Variants in ZNF704 observed in about 807,000 individuals in gnomAD.
ZNF704 encodes glucocorticoid induced gene 1.
A neutral mutation model predicts 44.7 loss-of-function variants in ZNF704; 10 were observed. The ratio of observed to expected loss-of-function variants is 0.22; its 90% CI spans 0.14 to 0.38. The LOEUF is 0.38. Among genes scored for constraint, ZNF704 ranks in the 10% least tolerant of loss-of-function variants. ZNF704 has a pLI of 1.00. For synonymous variants in ZNF704, 211 were observed against 207.6 expected (o/e 1.02, Z -0.14); for missense variants, 390 against 545.5 (o/e 0.71, Z 2.84).
intron 2 of ZNF704, among the ~76,000 whole-genome samples, chr8:80,800,521 GA>G (rs1364321916): frequency 1.3e-5 from 2 of 152,112 alleles, no homozygotes; most frequent in Admixed American, 6.5e-5. Context: ...AATTCTTAAA[GA>G]AAAAATTTTC....
At chr8:80,791,654 G>C (rs1461683303) in intron 2 of ZNF704, among the ~76,000 whole-genome samples, 1 of 152,130 alleles carries the variant, frequency 6.6e-6, no homozygotes, top group Non-Finnish European at 1.5e-5. Flanking sequence ...TCTGTGCAGG[G>C]AGAAGCAGCC....
At chr8:80,707,894 C>T (rs1343585241) in intron 2 of ZNF704, among the ~76,000 whole-genome samples, 1 of 152,218 alleles carries the variant, frequency 6.6e-6, no homozygotes, top group Non-Finnish European at 1.5e-5. Flanking sequence ...GAATTCCTTG[C>T]TCCAAAGCTT....
At chr8:80,864,652 T>C (rs978491632) in intron 1 of ZNF704, among the ~76,000 whole-genome samples, 2 of 152,124 alleles carry the variant, frequency 1.3e-5, no homozygotes, top group African/African-American at 4.8e-5. Context: ...GAGGTACACT[T>C]TGGGCCACCC....
intron 2 of ZNF704, among the ~76,000 whole-genome samples, chr8:80,798,564 A>G (rs1284550584): frequency 1.3e-5 from 2 of 152,162 alleles, no homozygotes; most frequent in East Asian, 1.9e-4. Context: ...CCTGGTGTCC[A>G]TATTTCTATC....
chr8:80,838,334 T>C (rs1424619323), intron 1 of ZNF704, among the ~76,000 whole-genome samples: 1 of 152,154 alleles, frequency 6.6e-6, no homozygotes, highest in Non-Finnish European at 1.5e-5. Context: ...TATGTATAAA[T>C]AAAAGGCCAA....
intron 2 of ZNF704, among the ~76,000 whole-genome samples, chr8:80,783,645 A>G (rs148904727): frequency 2.6e-4 from 39 of 152,260 alleles, no homozygotes; most frequent in Non-Finnish European, 5.1e-4. Flanking sequence ...GAAAGTACAG[A>G]AAGTTCCCAT....
At chr8:80,696,607 G>A (rs553083145) in intron 2 of ZNF704, among the ~76,000 whole-genome samples, 106 of 152,182 alleles carry the variant, frequency 7.0e-4, no homozygotes, top group African/African-American at 2.5e-3. Context: ...CAGTAGAGAC[G>A]GGGTTTCACC....
At chr8:80,772,702 C>T (rs900635718) in intron 2 of ZNF704, among the ~76,000 whole-genome samples, 2 of 152,128 alleles carry the variant, frequency 1.3e-5, no homozygotes, top group Non-Finnish European at 2.9e-5. Flanking sequence ...AGAGCCAAAT[C>T]CTCTCAGGGA....
chr8:80,843,931 ATATATATATGTGTATG>A (rs1164904060), intron 1 of ZNF704, among the ~76,000 whole-genome samples: 1 of 142,106 alleles, frequency 7.0e-6, no homozygotes, highest in Non-Finnish European at 1.5e-5. Context: ...ACAGTGAAAT[ATATATATATGTGTATG>A]TATATATATG....
chr8:80,675,589 C>A (rs948255261), intron 4 of ZNF704, among the ~76,000 whole-genome samples: 1 of 151,562 alleles, frequency 6.6e-6, no homozygotes, highest in Non-Finnish European at 1.5e-5. Flanking sequence ...AGGCTTTGGG[C>A]AGAGAGGATG....
chr8:80,778,232 T>C (rs188693701), intron 2 of ZNF704, among the ~76,000 whole-genome samples: 1 of 152,130 alleles, frequency 6.6e-6, no homozygotes, highest in African/African-American at 2.4e-5. Context: ...GACATACATA[T>C]GGCCAATAAG....
At chr8:80,715,376 C>CA (rs777132212) in intron 2 of ZNF704, among the ~76,000 whole-genome samples, 5 of 152,230 alleles carry the variant, frequency 3.3e-5, no homozygotes, top group Non-Finnish European at 5.9e-5. Context: ...CCACAAGCCT[C>CA]AGAGCAGGTT....
At position 80,708,963 on chromosome 8, in the gene ZNF704, T is replaced by C. The variant is rs995803025; in HGVS notation, c.222-15856A>G. Among the ~76,000 whole-genome samples, 3 of 152,326 alleles carry C rather than the reference T, an allele frequency of 2.0e-5. No homozygotes were observed. In the East Asian group the frequency reaches 5.8e-4, roughly 29 times the overall value. On this transcript the variant is annotated intron_variant, in intron 2 of 8. Transcript: ENST00000327835. ...GCACATAGACCACAGAACTGGGATT[T>C]ACTTGGAATTTGATGGGAAAGTAAG...
chr8:80,744,046 G>A (rs1179582428), intron 2 of ZNF704, among the ~76,000 whole-genome samples: 1 of 152,120 alleles, frequency 6.6e-6, no homozygotes, highest in Non-Finnish European at 1.5e-5. Context: ...TTGAAACGTG[G>A]CTAGTCTGAA....
intron 1 of ZNF704, among the ~76,000 whole-genome samples, chr8:80,838,583 G>A (rs1269029629): frequency 6.6e-6 from 1 of 151,464 alleles, no homozygotes; most frequent in African/African-American, 2.4e-5. Context: ...GAGGAAAAGG[G>A]GGGAGGAGGG....
chr8:80,874,396 G>C lies in ZNF704; in HGVS notation c.-22+175C>G, dbSNP rs1809326503. ...GCGGCCGGCGGCCGAGCCCGCGCGC[G>C]CCTCTCCCGGCCGGCTGCGCCCGCG... is the stretch of plus-strand genomic sequence containing the variant. On this transcript the variant is annotated intron_variant, in intron 1 of 8. Coordinates refer to ENST00000327835, the MANE Select transcript of ZNF704 (RefSeq NM_001033723.3). The surrounding 1 kb of genome is among the most constrained non-coding windows in gnomAD (Gnocchi z 4.4). Among the ~76,000 whole-genome samples, 1 of 147,550 alleles carries C rather than the reference G, an allele frequency of 6.8e-6. No homozygotes were observed. Among genetic ancestry groups the C allele is most frequent in the Non-Finnish European group, 1.5e-5 (1 of 66,464 alleles).
At chr8:80,658,909 T>TA (rs1406892667) in intron 7 of ZNF704, 1 of 152,230 alleles carries the variant, frequency 6.6e-6, no homozygotes, top group African/African-American at 2.4e-5. Context: ...TATCAGGAGT[T>TA]ATACACCACT....
chr8:80,662,656 T>C (rs941325009), intron 6 of ZNF704, among the ~76,000 whole-genome samples: 2 of 152,232 alleles, frequency 1.3e-5, no homozygotes, highest in African/African-American at 4.8e-5. Flanking sequence ...ATTACAAATA[T>C]ATTTGCTAGT....
At chr8:80,853,915 A>C (rs1441239107) in intron 1 of ZNF704, among the ~76,000 whole-genome samples, 3 of 152,202 alleles carry the variant, frequency 2.0e-5, no homozygotes, top group African/African-American at 7.2e-5. Context: ...GAGTAAACAA[A>C]AGACCAAAGC....
Sources: allele counts gnomAD v4.1 joint callset (sites outside exome capture counted in the v4.1 genomes callset), GRCh38; gene constraint gnomAD v4.1.1; non-coding constraint Gnocchi (gnomAD v3.1); transcripts MANE v1.5; gene names NCBI Gene and HGNC (gene_info 2026-07-23, HGNC 2026-07-21).